ZC3H13: variants seen among roughly 807,000 people sequenced by gnomAD.
ZC3H13 encodes zinc finger CCCH-type containing 13.
A neutral mutation model predicts 204.1 loss-of-function variants in ZC3H13; 64 were observed. That is an observed-to-expected ratio of 0.31 (90% CI 0.26 to 0.39). The LOEUF is 0.39. Ranked by LOEUF, ZC3H13 falls within the 10% of genes least tolerant of loss-of-function variation. The probability of loss-of-function intolerance (pLI) is 1.00; values close to 1 mark genes in which losing one functional copy is unlikely to be tolerated. For synonymous variants in ZC3H13, 667 were observed against 693.7 expected (o/e 0.96, Z 0.60); for missense variants, 1,833 against 2,082.7 (o/e 0.88, Z 2.33).
At position 45,988,824 on chromosome 13, in the gene ZC3H13, A is replaced by G. The variant is rs758313876; in HGVS notation, c.1218T>C (p.Thr406=). 1 of 1,613,858 alleles carries G rather than the reference A, an allele frequency of 6.2e-7. No individual in the cohort carries two copies. The highest frequency in any genetic ancestry group is 8.5e-7 in the Non-Finnish European group (1 of 1,179,734). The change falls in exon 9 of 19, where the codon ACT becomes ACC. Residue 406 remains threonine, a synonymous_variant. Coordinates refer to ENST00000679008, the MANE Select transcript of ZC3H13 (RefSeq NM_001330564.2). Reference sequence around the variant, plus strand: ...CATGGCGTCGATCATGAGACTGTGAAGTTCGTTCATGATCATGTCTCCCTT... The same window carrying G: ...CATGGCGTCGATCATGAGACTGTGAGGTTCGTTCATGATCATGTCTCCCTT... ...REKGRHDHER[T]SQSHDRRHER... is the part of the protein sequence containing the mutation.
intron 4 of ZC3H13, among the ~76,000 whole-genome samples, chr13:46,040,010 A>G (rs1042833825): frequency 3.9e-5 from 6 of 152,128 alleles, no homozygotes; most frequent in African/African-American, 1.4e-4. Flanking sequence ...GTTATTTCAA[A>G]ATGTAATACA....
chr13:46,030,269 G>A (rs902286684), intron 4 of ZC3H13, among the ~76,000 whole-genome samples: 25 of 152,294 alleles, frequency 1.6e-4, no homozygotes, highest in East Asian at 5.8e-4. Context: ...TACGGCTAAC[G>A]TCATACCTAA....
chr13:46,049,866 T>C (rs970938542), intron 1 of ZC3H13, among the ~76,000 whole-genome samples: 1 of 152,160 alleles, frequency 6.6e-6, no homozygotes, highest in South Asian at 2.1e-4. Context: ...TCATAGAGAA[T>C]AGAAATCAAG....
chr13:45,985,645 G>A lies in ZC3H13; in HGVS notation c.1372C>T (p.Arg458Trp), dbSNP rs752031871. 8.6e-5 allele frequency: 138 copies of A among 1,613,440 alleles called. No individual in the cohort carries two copies. Among genetic ancestry groups the A allele is most frequent in the Middle Eastern group, 1.6e-4 (1 of 6,084 alleles). The change falls in exon 10 of 19, where the codon CGG becomes TGG. Residue 458 changes from arginine to tryptophan, a missense_variant. Arg to Trp is a moderately radical substitution (Grantham distance 101). Around this residue, in one of 5 missense-constraint regions of ZC3H13, gnomAD observed 1,574 missense variants for 1,757.2 expected, o/e 0.90. Coordinates refer to ENST00000679008, the MANE Select transcript of ZC3H13 (RefSeq NM_001330564.2). Reference protein sequence around the residue: ...DDREPRDGRDRRDARDTRDRR... With the variant: ...DDREPRDGRDWRDARDTRDRR... ...TCCCTAGTATCTCTGGCATCTCTCCGATCCCGACCATCTCGAGGTTCTCTG... is the reference window on the plus strand; with the variant it reads ...TCCCTAGTATCTCTGGCATCTCTCCAATCCCGACCATCTCGAGGTTCTCTG...
intron 1 of ZC3H13, among the ~76,000 whole-genome samples, chr13:46,046,502 C>A (rs868246056): frequency 1.7e-3 from 211 of 125,514 alleles, no homozygotes; most frequent in Non-Finnish European, 1.9e-3. Context: ...ACTAAAAATA[C>A]AAAAAAAAAA....
chr13:45,976,223 G>A, intron 11 of ZC3H13: 5 of 985,124 alleles, frequency 5.1e-6, no homozygotes, highest in Non-Finnish European at 6.0e-6. Flanking sequence ...TGAGAACACT[G>A]GTGGCAAAGG....
chr13:45,958,312 A>T (rs1333414205), intron 18 of ZC3H13, among the ~76,000 whole-genome samples: 4 of 152,184 alleles, frequency 2.6e-5, no homozygotes, highest in East Asian at 1.9e-4. Flanking sequence ...TAACTGCCCC[A>T]AGTAAAAAGC....
intron 18 of ZC3H13, among the ~76,000 whole-genome samples, chr13:45,958,382 T>C (rs1657281808): frequency 6.6e-6 from 1 of 152,168 alleles, no homozygotes; most frequent in African/African-American, 2.4e-5. Context: ...TCACACCAAC[T>C]CTCTTTTGTC....
At chr13:46,002,073 C>T (rs1442341671) in intron 8 of ZC3H13, among the ~76,000 whole-genome samples, 1 of 151,692 alleles carries the variant, frequency 6.6e-6, no homozygotes, top group Non-Finnish European at 1.5e-5. Flanking sequence ...ATCAAATAAC[C>T]CAATTAAAAA....
rs549211811 is a variant in ZC3H13 at position 46,031,458 on chromosome 13, A to T, written c.339+10706T>A. On this transcript the variant is annotated intron_variant, in intron 4 of 18. Transcript: ENST00000679008. The stretch of plus-strand genomic sequence containing the variant: ...CTGATAACTGGACTTCATTAAAATT[A>T]AAAGCTTCTACTCTATTAAAAAAAC... Among the ~76,000 whole-genome samples, 7 of 152,238 alleles carry T rather than the reference A, an allele frequency of 4.6e-5. No homozygotes were observed. In the East Asian group the frequency reaches 1.3e-3, roughly 29 times the overall value.
chr13:46,030,871 C>T (rs532916817), intron 4 of ZC3H13, among the ~76,000 whole-genome samples: 1 of 152,266 alleles, frequency 6.6e-6, no homozygotes, highest in South Asian at 2.1e-4. Flanking sequence ...GATGTCAGTT[C>T]TTCCCAAATT....
Position 45,983,681 on chromosome 13 carries a change from C to T in ZC3H13, c.1720+1616G>A, listed in dbSNP as rs139787159. Among the ~76,000 whole-genome samples, 409 of 151,568 alleles carry T rather than the reference C, an allele frequency of 2.7e-3. 4 individuals are homozygous for T. Among genetic ancestry groups the T allele is most frequent in the African/African-American group, 9.2e-3 (381 of 41,220 alleles). On this transcript the variant is annotated intron_variant, in intron 10 of 18. Transcript: ENST00000679008. ...TGACCTCGTGATCCGCCCGCCTCGG[C>T]CTCCCAAAGTGCTGGGATTACAGGC... is the stretch of plus-strand genomic sequence containing the variant.
At chr13:46,024,345 T>G (rs529087094) in intron 4 of ZC3H13, among the ~76,000 whole-genome samples, 44 of 152,344 alleles carry the variant, frequency 2.9e-4, no homozygotes, top group African/African-American at 1.0e-3. Flanking sequence ...CTTTTAAATA[T>G]TCTCTATTTA....
chr13:46,044,109 T>C (rs1355226389), intron 3 of ZC3H13, among the ~76,000 whole-genome samples: 5 of 151,748 alleles, frequency 3.3e-5, no homozygotes, highest in Non-Finnish European at 7.4e-5. Context: ...TGTTGAGGGT[T>C]TGAATTTTAA....
chr13:46,006,070 G>C (rs2041122036), intron 7 of ZC3H13, among the ~76,000 whole-genome samples: 1 of 137,944 alleles, frequency 7.2e-6, no homozygotes, highest in South Asian at 2.4e-4. Context: ...GGGTGACAGA[G>C]TGGGACTCTG....
At chr13:46,036,081 G>A (rs2043191321) in intron 4 of ZC3H13, among the ~76,000 whole-genome samples, 1 of 151,870 alleles carries the variant, frequency 6.6e-6, no homozygotes, top group Non-Finnish European at 1.5e-5. Flanking sequence ...CTGGGAGGTG[G>A]AGGCTACAGT....
intron 10 of ZC3H13, among the ~76,000 whole-genome samples, chr13:45,982,148 A>T (rs548349418): frequency 4.6e-5 from 7 of 152,128 alleles, no homozygotes; most frequent in Admixed American, 1.3e-4. Context: ...AAACAAAAAC[A>T]CAAAGAATAC....
intron 1 of ZC3H13, among the ~76,000 whole-genome samples, chr13:46,050,386 T>C (rs1310431873): frequency 6.6e-6 from 1 of 152,160 alleles, no homozygotes; most frequent in African/African-American, 2.4e-5. Flanking sequence ...TTCACTTCAA[T>C]CCATAATTAA....
chr13:45,986,613 A>G (rs1041283931), intron 9 of ZC3H13, among the ~76,000 whole-genome samples: 5 of 152,218 alleles, frequency 3.3e-5, no homozygotes, highest in Admixed American at 1.3e-4. Flanking sequence ...CACTCTTTAC[A>G]TATATTTAGA....
Sources: allele counts gnomAD v4.1 joint callset (sites outside exome capture counted in the v4.1 genomes callset), GRCh38; gene constraint gnomAD v4.1.1; regional missense constraint gnomAD v4.1.1; transcripts MANE v1.5; gene names NCBI Gene and HGNC (gene_info 2026-07-23, HGNC 2026-07-21).